The following INTS7 variants were observed in gnomAD, a reference collection of about 807,000 sequenced individuals.
INTS7 encodes integrator complex subunit 7.
Under a neutral mutation model 109.2 loss-of-function variants are expected in INTS7, and 46 were observed. That is an observed-to-expected ratio of 0.42 (90% confidence interval 0.33 to 0.54). The LOEUF (loss-of-function observed/expected upper bound fraction) is 0.54, where lower values mean the gene tolerates loss of function less well. Among genes scored for constraint, INTS7 ranks in the 20% least tolerant of loss-of-function variants. INTS7 has a pLI of 0.07. For missense variants in INTS7, 929 were observed against 1,132.4 expected, an observed-to-expected ratio of 0.82 and a Z score of 2.58; for synonymous variants, 412 against 402.9, an observed-to-expected ratio of 1.02 and a Z score of -0.27.
chr1:211,949,326 G>A (rs1398878489), intron 17 of INTS7, among the ~76,000 whole-genome samples: 1 of 152,116 alleles, frequency 6.6e-6, no homozygotes, highest in African/African-American at 2.4e-5. Context: ...CAACTGCAAC[G>A]TATTTACTAT....
At chr1:211,958,298 A>T (rs1316942933) in intron 16 of INTS7, among the ~76,000 whole-genome samples, 1 of 150,890 alleles carries the variant, frequency 6.6e-6, no homozygotes. Flanking sequence ...ATAGGTTAAC[A>T]TTTTTTTTTC....
At chr1:212,007,970 T>C (rs2102469561) in intron 5 of INTS7, among the ~76,000 whole-genome samples, 1 of 152,254 alleles carries the variant, frequency 6.6e-6, no homozygotes, top group South Asian at 2.1e-4. Context: ...AGACTAACCC[T>C]AATCCACGTT....
At chr1:212,031,620 C>T (rs530276749) in intron 1 of INTS7, among the ~76,000 whole-genome samples, 1 of 152,330 alleles carries the variant, frequency 6.6e-6, no homozygotes, top group African/African-American at 2.4e-5. Context: ...TGTATGCAAT[C>T]TCCTTAAAGA....
chr1:211,967,358 AG>A (rs1663935581), intron 15 of INTS7, among the ~76,000 whole-genome samples: 1 of 149,874 alleles, frequency 6.7e-6, no homozygotes, highest in Non-Finnish European at 1.5e-5. Context: ...AGGCTGGGGC[AG>A]GAGAATCGCT....
chr1:212,009,217 C>T (rs1666062310), intron 5 of INTS7, among the ~76,000 whole-genome samples: 1 of 152,182 alleles, frequency 6.6e-6, no homozygotes, highest in African/African-American at 2.4e-5. Context: ...TCCTCTGCCT[C>T]TCTCTCCTGC....
chr1:211,972,728 C>T (rs756583779), intron 13 of INTS7, among the ~76,000 whole-genome samples: 8 of 152,176 alleles, frequency 5.3e-5, no homozygotes, highest in Non-Finnish European at 1.2e-4. Context: ...CGGATCTAAT[C>T]AGTTGAGGCC....
rs1395432179 is a variant in INTS7, at chr1:212,020,109, A to G, written c.371+13T>C. ...AATAATCTCATAGTGAATTATTATA[A>G]TACGGTATATACCGGAGGGTGATGG... On this transcript the variant is annotated intron_variant, in intron 3 of 19. Coordinates refer to ENST00000366994, the MANE Select transcript of INTS7 (RefSeq NM_015434.4). 6.5e-7 allele frequency: 1 copy of G among 1,537,234 alleles called. No individual in the cohort carries two copies.
intron 18 of INTS7, 141 bp from the exon 19 acceptor site, chr1:211,945,110 GACA>G (rs1461147882): frequency 8.9e-6 from 6 of 674,020 alleles, no homozygotes; most frequent in East Asian, 2.7e-5. Context: ...ACTGTGCCAG[GACA>G]ACGAGACAGA....
Position 212,021,186 on chromosome 1 carries a change from G to C in INTS7, c.121C>G (p.Gln41Glu), listed in dbSNP as rs748845022. 2.5e-6 allele frequency: 4 copies of C among 1,610,550 alleles called. No homozygotes were observed. In the East Asian group the frequency reaches 8.9e-5, roughly 36 times the overall value. The change falls in exon 2 of 20, where the codon CAG (glutamine) becomes GAG (glutamate). Residue 41 changes from glutamine to glutamate, a missense_variant. Gln to Glu is a conservative substitution (Grantham distance 29). Transcript: ENST00000366994. ...KGLRSGKLGE[Q>E]CEAVVRFPRL... ...GGAAAGCGAACAACTGCTTCACACTGTTCACCAAGTTTGCCAGATCTTAGG... is the reference window on the plus strand; with the variant it reads ...GGAAAGCGAACAACTGCTTCACACTCTTCACCAAGTTTGCCAGATCTTAGG...
At chr1:211,990,439 G>A (rs929066204) in intron 7 of INTS7, among the ~76,000 whole-genome samples, 4 of 152,166 alleles carry the variant, frequency 2.6e-5, no homozygotes, top group Non-Finnish European at 5.9e-5. Context: ...AAAAGTTTAG[G>A]AAGGATACAT....
intron 7 of INTS7, among the ~76,000 whole-genome samples, chr1:212,002,080 G>A (rs1665697159): frequency 6.6e-6 from 1 of 152,172 alleles, no homozygotes; most frequent in African/African-American, 2.4e-5. Flanking sequence ...TTCAAGAAAT[G>A]AGTCTCCCAG....
intron 7 of INTS7, among the ~76,000 whole-genome samples, chr1:211,991,854 T>C (rs1002911873): frequency 2.6e-5 from 4 of 152,066 alleles, no homozygotes; most frequent in African/African-American, 7.2e-5. Flanking sequence ...GCAGGTTAGG[T>C]AGTGTTATGA....
chr1:212,032,495 T>C (rs1414063459), intron 1 of INTS7, among the ~76,000 whole-genome samples: 3 of 151,918 alleles, frequency 2.0e-5, no homozygotes, highest in African/African-American at 4.8e-5. Flanking sequence ...TTTTTTTTTT[T>C]CGAGACAGTC....
chr1:211,994,049 C>A (rs1453303649), intron 7 of INTS7, among the ~76,000 whole-genome samples: 7 of 151,904 alleles, frequency 4.6e-5, no homozygotes, highest in Admixed American at 4.6e-4. Context: ...CAAAAACAAC[C>A]AGCAATGATA....
rs115995105 is a variant in INTS7, at chr1:211,998,068, G to A, written c.879+8571C>T. Among the ~76,000 whole-genome samples, 871 of 152,172 alleles carry A rather than the reference G, an allele frequency of 5.7e-3. 6 individuals carry two copies. Among genetic ancestry groups the A allele is most frequent in the African/African-American group, 0.019 (805 of 41,504 alleles). On this transcript the variant is annotated intron_variant, in intron 7 of 19. Coordinates refer to ENST00000366994, the MANE Select transcript of INTS7 (RefSeq NM_015434.4). ...TGAACTCTTGGCCTCAAGCGATCCC[G>A]CCAGCTCAGTCTCCCAAGTAGCTAG... is the stretch of plus-strand genomic sequence containing the variant.
At chr1:212,010,435 A>G (rs1241931668) in intron 5 of INTS7, among the ~76,000 whole-genome samples, 2 of 152,140 alleles carry the variant, frequency 1.3e-5, no homozygotes, top group Non-Finnish European at 2.9e-5. Context: ...AGGAATCTGG[A>G]TTTGATTCTA....
intron 5 of INTS7, among the ~76,000 whole-genome samples, chr1:212,009,264 T>C (rs1436301037): frequency 6.6e-6 from 1 of 152,176 alleles, no homozygotes; most frequent in East Asian, 1.9e-4. Context: ...AAGATAAAAT[T>C]TAAGGAACAA....
intron 3 of INTS7, among the ~76,000 whole-genome samples, chr1:212,017,735 A>G (rs760296737): frequency 4.6e-5 from 7 of 152,240 alleles, no homozygotes; most frequent in Non-Finnish European, 8.8e-5. Context: ...TGTTCCTACA[A>G]TGACAACCTT....
intron 5 of INTS7, 65 bp downstream of exon 5, chr1:212,011,310 T>C: frequency 1.2e-6 from 1 of 815,822 alleles, no homozygotes; most frequent in Non-Finnish European, 2.0e-6. Flanking sequence ...AAGTACTTAA[T>C]TAGTGTTAGC....
Sources: gnomAD v4.1 joint callset for allele counts (sites outside exome capture counted in the v4.1 genomes callset) on GRCh38, gnomAD v4.1.1 for gene constraint, MANE v1.5 for transcripts, NCBI Gene and HGNC (gene_info 2026-07-23, HGNC 2026-07-21) for gene names.